Variants in TRIM55 observed in about 807,000 individuals in gnomAD.
The protein encoded by TRIM55 is tripartite motif containing 55, also known as tripartite motif-containing protein 55.
A neutral mutation model predicts 60.9 loss-of-function variants in TRIM55; 50 were observed. The observed-to-expected ratio is 0.82, with a 90% confidence interval of 0.65 to 1.04. The LOEUF is 1.04. TRIM55 is among the 50% of genes least tolerant of loss of function. The pLI is 0.00. For missense variants in TRIM55, 681 were observed against 666.9 expected, an observed-to-expected ratio of 1.02 and a Z score of -0.23; for synonymous variants, 237 against 238.1, an observed-to-expected ratio of 1.00 and a Z score of 0.04.
At chr8:66,141,695 GT>G (rs1252473963) in intron 4 of TRIM55, among the ~76,000 whole-genome samples, 7 of 152,210 alleles carry the variant, frequency 4.6e-5, no homozygotes, top group African/African-American at 1.7e-4. Flanking sequence ...AAACATCCCT[GT>G]TTTGTATGGC....
intron 9 of TRIM55, among the ~76,000 whole-genome samples, chr8:66,159,043 A>G (rs1810903209): frequency 6.6e-6 from 1 of 152,242 alleles, no homozygotes; most frequent in Non-Finnish European, 1.5e-5. Context: ...CTTTATTGAG[A>G]TATACATACA....
At chr8:66,147,458 C>T (rs1810153705) in intron 4 of TRIM55, among the ~76,000 whole-genome samples, 1 of 151,892 alleles carries the variant, frequency 6.6e-6, no homozygotes, top group South Asian at 2.1e-4. Flanking sequence ...TGACTCCATA[C>T]TGAGAATAGT....
the TRIM55 span, among the ~76,000 whole-genome samples, chr8:66,120,093 T>G: frequency 6.6e-6 from 1 of 152,224 alleles, no homozygotes; most frequent in Non-Finnish European, 1.5e-5. Flanking sequence ...CTACTTAACT[T>G]GCTCAGCCAC....
chr8:66,114,839 GTCC>G, the TRIM55 span: 7 of 327,574 alleles, frequency 2.1e-5, no homozygotes, highest in Non-Finnish European at 4.2e-5. Context: ...TAATGTCATT[GTCC>G]TCCTGTGGAA....
At chr8:66,135,617 G>A (rs908795516) in intron 3 of TRIM55, among the ~76,000 whole-genome samples, 2 of 152,032 alleles carry the variant, frequency 1.3e-5, no homozygotes, top group Non-Finnish European at 2.9e-5. Context: ...CTTTTATCCC[G>A]CACTCTTAGT....
chr8:66,147,653 G>A (rs542004862), intron 4 of TRIM55, among the ~76,000 whole-genome samples: 2 of 151,926 alleles, frequency 1.3e-5, no homozygotes, highest in East Asian at 1.9e-4. Flanking sequence ...AAATTAGCCG[G>A]GCAAGGTGGC....
intron 2 of TRIM55, among the ~76,000 whole-genome samples, chr8:66,132,433 G>A (rs1361120294): frequency 3.9e-5 from 6 of 152,100 alleles, no homozygotes; most frequent in Non-Finnish European, 5.9e-5. Flanking sequence ...CAGCCTGGGC[G>A]ACAAGCAAAA....
chr8:66,150,877 G>T, intron 7 of TRIM55, among the ~76,000 whole-genome samples: 1 of 152,184 alleles, frequency 6.6e-6, no homozygotes, highest in East Asian at 1.9e-4. Flanking sequence ...TGTTGGCCAG[G>T]CTGGTCTCGA....
At chr8:66,174,359 A>G in intron 9 of TRIM55, 112 bp from the exon 10 acceptor site, 2 of 777,618 alleles carry the variant, frequency 2.6e-6, no homozygotes, top group South Asian at 4.8e-5. Context: ...TATTGTTATT[A>G]TAATAATAAT....
At chr8:66,156,866 C>G (rs1340057367) in intron 9 of TRIM55, among the ~76,000 whole-genome samples, 1 of 152,126 alleles carries the variant, frequency 6.6e-6, no homozygotes, top group Non-Finnish European at 1.5e-5. Context: ...CCTGTGCACC[C>G]TAGAGTGTCC....
At chr8:66,113,980 G>T in the TRIM55 span, among the ~76,000 whole-genome samples, 5 of 151,046 alleles carry the variant, frequency 3.3e-5, no homozygotes, top group African/African-American at 9.7e-5. Flanking sequence ...GGGAAGCTGT[G>T]CCCGCTCCCT....
intron 9 of TRIM55, among the ~76,000 whole-genome samples, chr8:66,162,604 T>C (rs186330825): frequency 2.9e-4 from 44 of 152,198 alleles, no homozygotes; most frequent in African/African-American, 1.1e-3. Flanking sequence ...GTACCAATTC[T>C]TCTTTGAATG....
intron 9 of TRIM55, among the ~76,000 whole-genome samples, chr8:66,169,660 C>T (rs1254397022): frequency 6.6e-6 from 1 of 151,918 alleles, no homozygotes; most frequent in Non-Finnish European, 1.5e-5. Flanking sequence ...TTACTCTGAG[C>T]ATAGCAACTG....
rs890987393 is a variant in TRIM55 at position 66,171,877 on chromosome 8, C to A, written c.1525-2594C>A. ...ATACACTGGACAGTGTCATTGATGC[C>A]TGTGATTACAGCACACTGAAGGGAT... On this transcript the variant is annotated intron_variant, in intron 9 of 9. Transcript: ENST00000315962. 3.3e-5 allele frequency among the ~76,000 whole-genome samples: 5 copies of A among 152,184 alleles called. No homozygotes were observed. In the East Asian group the frequency reaches 9.6e-4, roughly 29 times the overall value.
intron 4 of TRIM55, among the ~76,000 whole-genome samples, chr8:66,137,935 T>C (rs940598705): frequency 1.3e-5 from 2 of 152,192 alleles, no homozygotes; most frequent in African/African-American, 4.8e-5. Context: ...GAGTTAGCTA[T>C]GTGGCAGATA....
chr8:66,135,028 A>G lies in TRIM55; in HGVS notation c.380A>G (p.His127Arg), dbSNP rs1051110935. The G allele has an allele frequency of 6.2e-7, 1 of 1,614,252 alleles. No individual in the cohort carries two copies. Among genetic ancestry groups the G allele is most frequent in the South Asian group, 1.1e-5 (1 of 91,088 alleles). ...KKSDQPMCEE[H>R]EEERINIYCL... Reference sequence around the variant, plus strand: ...TCCGACCAGCCCATGTGCGAGGAACATGAAGAGGAGCGCATCAACATCTAC... The same window carrying G: ...TCCGACCAGCCCATGTGCGAGGAACGTGAAGAGGAGCGCATCAACATCTAC... The change falls in exon 3 of 10, where the codon CAT (histidine) becomes CGT (arginine). Residue 127 changes from histidine (H) to arginine (R), a missense_variant. Physicochemically the swap from His to Arg is conservative, Grantham distance 29. Coordinates refer to ENST00000315962, the MANE Select transcript of TRIM55 (RefSeq NM_184085.2).
At chr8:66,140,860 G>A (rs1325765213) in intron 4 of TRIM55, among the ~76,000 whole-genome samples, 1 of 152,218 alleles carries the variant, frequency 6.6e-6, no homozygotes, top group Non-Finnish European at 1.5e-5. Flanking sequence ...AGTGGTTCCT[G>A]GCCAGGGGGT....
intron 1 of TRIM55, 32 bp from the exon 2 acceptor site, chr8:66,128,272 C>T (rs748217714): frequency 6.5e-7 from 1 of 1,549,630 alleles, no homozygotes; most frequent in Non-Finnish European, 8.7e-7. Context: ...GTGGCATTAC[C>T]CAATTCCTTT....
chr8:66,135,054 T>C lies in TRIM55; in HGVS notation c.406T>C (p.Cys136Arg), dbSNP rs1399220048. ...TGAAGAGGAGCGCATCAACATCTAC[T>C]GTCTGAACTGCGAAGTACCCACCTG... The part of the protein sequence containing the change: ...EHEEERINIY[C>R]LNCEVPTCSL... Residue 136 changes from cysteine (C) to arginine (R), a missense_variant, in exon 3 of 10, where the codon TGT becomes CGT. Coordinates refer to ENST00000315962, the MANE Select transcript of TRIM55 (RefSeq NM_184085.2). 1.2e-6 allele frequency: 2 copies of C among 1,614,224 alleles called. No individual in the cohort carries two copies. The highest frequency in any genetic ancestry group is 1.7e-6 in the Non-Finnish European group (2 of 1,180,042).
Sources: gnomAD v4.1 joint callset for allele counts (sites outside exome capture counted in the v4.1 genomes callset) on GRCh38, gnomAD v4.1.1 for gene constraint, MANE v1.5 for transcripts, NCBI Gene and HGNC (gene_info 2026-07-23, HGNC 2026-07-21) for gene names.